RTKN2: variants seen among roughly 807,000 people sequenced by gnomAD.
The protein encoded by RTKN2 is rhotekin 2, also known as rhotekin-2.
Under a neutral mutation model 71.5 loss-of-function variants are expected in RTKN2, and 69 were observed. The observed-to-expected ratio is 0.96, with a 90% CI of 0.79 to 1.18. The LOEUF (loss-of-function observed/expected upper bound fraction) is 1.18. Among genes scored for constraint, RTKN2 ranks in the 50% most tolerant of loss-of-function variants. The probability of loss-of-function intolerance (pLI) is 0.00; values close to 1 mark genes in which losing one functional copy is unlikely to be tolerated. For synonymous variants in RTKN2, 236 were observed against 236.5 expected, an observed-to-expected ratio of 1.00 and a Z score of 0.02; for missense variants, 724 against 719.7, an observed-to-expected ratio of 1.01 and a Z score of -0.07.
intron 8 of RTKN2, among the ~76,000 whole-genome samples, chr10:62,186,060 A>G (rs962176328): frequency 1.3e-5 from 2 of 152,248 alleles, no homozygotes. Flanking sequence ...TGAACCCAGG[A>G]CAGTGTGCTT....
Position 62,196,371 on chromosome 10 carries a change from T to C in RTKN2, c.*1537A>G. ...TTCTCACCAAAAACTCTGTCTGTCC[T>C]GATGTTACCAGTCACAAGAAACCTT... On this transcript the variant is annotated 3_prime_UTR_variant, in exon 12 of 12. Transcript: ENST00000373789. 5 of 984,724 alleles carry C rather than the reference T, an allele frequency of 5.1e-6. No individual in the cohort carries two copies. The highest frequency in any genetic ancestry group is 4.8e-6 in the Non-Finnish European group (4 of 829,290). 61.0% of individuals were successfully genotyped at this position (984,724 alleles called of 1,614,324 possible).
In RTKN2 at chr10:62,194,738, AG is replaced by A. The variant is rs1332345582; in HGVS notation, c.*3169del. 6 of 985,320 alleles carry A rather than the reference AG, an allele frequency of 6.1e-6. No homozygotes were observed. The highest frequency in any genetic ancestry group is 6.2e-5 in the Admixed American group (1 of 16,256). 61.0% of individuals were successfully genotyped at this position (985,320 alleles called of 1,614,324 possible). ...GCTGAGGTGCTGAACATAAGCCTAA[AG>A]AAATACTTGACTGCTTAACCTACCT... On this transcript the variant is annotated 3_prime_UTR_variant, in exon 12 of 12. Coordinates refer to ENST00000373789, the MANE Select transcript of RTKN2 (RefSeq NM_145307.4).
chr10:62,262,901 C>G, intron 1 of RTKN2, 80 bp from the exon 2 acceptor site: 1 of 802,466 alleles, frequency 1.2e-6, no homozygotes, highest in Non-Finnish European at 1.9e-6. Flanking sequence ...AAATAGGTAT[C>G]ATAATTGTAT....
intron 2 of RTKN2, among the ~76,000 whole-genome samples, chr10:62,250,314 T>C (rs551121016): frequency 6.6e-6 from 1 of 152,288 alleles, no homozygotes; most frequent in Admixed American, 6.5e-5. Flanking sequence ...ATGAGTGAGG[T>C]GTCCTTTGGA....
intron 8 of RTKN2, among the ~76,000 whole-genome samples, chr10:62,185,561 G>C (rs754892008): frequency 2.0e-5 from 3 of 152,142 alleles, no homozygotes; most frequent in Admixed American, 6.5e-5. Context: ...GGTTGCAGTA[G>C]TGAATGGAGA....
chr10:62,223,953 G>C (rs1841964454), intron 6 of RTKN2, among the ~76,000 whole-genome samples: 1 of 108,508 alleles, frequency 9.2e-6, no homozygotes, highest in Non-Finnish European at 1.9e-5. Context: ...CAAAATGTGG[G>C]GTAGGTGTGT....
chr10:62,241,801 T>C (rs7093181), intron 3 of RTKN2, among the ~76,000 whole-genome samples: 111,264 of 151,862 alleles, frequency 0.73, 41,025 homozygotes, highest in East Asian at 0.9. Context: ...TGGGTTTAAG[T>C]GATTCTCCAG....
chr10:62,229,555 A>G (rs1271829954), intron 6 of RTKN2, among the ~76,000 whole-genome samples: 2 of 152,208 alleles, frequency 1.3e-5, no homozygotes, highest in Non-Finnish European at 2.9e-5. Flanking sequence ...TGACACTGTA[A>G]TTTATTCTTA....
intron 2 of RTKN2, among the ~76,000 whole-genome samples, chr10:62,258,824 A>C (rs766485947): frequency 2.0e-5 from 3 of 152,130 alleles, no homozygotes; most frequent in Non-Finnish European, 2.9e-5. Flanking sequence ...GGCAGCTTGG[A>C]GCAATAGTTA....
Position 62,268,597 on chromosome 10 carries a change from C to T in RTKN2, c.14G>A (p.Ser5Asn). The change falls in exon 1 of 12, where the codon AGC (serine) becomes AAC (asparagine). Residue 5 changes from serine to asparagine, a missense_variant. Ser to Asn is a conservative substitution (Grantham distance 46). Transcript: ENST00000373789. MEGP[S>N]LRGPALRLAG... ...CAGGCGGAGCGCAGGACCCCTCAGGCTCGGCCCCTCCATCTCCAACGCGAA... is the reference window on the plus strand; with the variant it reads ...CAGGCGGAGCGCAGGACCCCTCAGGTTCGGCCCCTCCATCTCCAACGCGAA... 1 of 1,564,550 alleles carries T rather than the reference C, an allele frequency of 6.4e-7. No individual in the cohort carries two copies. Among genetic ancestry groups the T allele is most frequent in the Non-Finnish European group, 8.7e-7 (1 of 1,154,372 alleles).
intron 2 of RTKN2, among the ~76,000 whole-genome samples, chr10:62,255,381 T>C (rs1842655721): frequency 6.6e-6 from 1 of 152,178 alleles, no homozygotes; most frequent in African/African-American, 2.4e-5. Flanking sequence ...TGGCTGACTC[T>C]AGGCATGGGG....
At chr10:62,243,766 CTT>C (rs1471427016) in intron 3 of RTKN2, among the ~76,000 whole-genome samples, 2 of 152,082 alleles carry the variant, frequency 1.3e-5, no homozygotes, top group African/African-American at 4.8e-5. Context: ...TAACTTTTGT[CTT>C]GTTTTATGTC....
chr10:62,252,854 C>T (rs556919003), intron 2 of RTKN2, among the ~76,000 whole-genome samples: 13 of 151,972 alleles, frequency 8.6e-5, no homozygotes, highest in African/African-American at 1.2e-4. Context: ...ATATAGTTAT[C>T]GGTATATAAA....
chr10:62,208,402 C>T (rs1345867075), intron 9 of RTKN2, among the ~76,000 whole-genome samples: 6 of 152,136 alleles, frequency 3.9e-5, no homozygotes, highest in East Asian at 1.9e-4. Context: ...GATTCTGGAA[C>T]ATCTTGTCCT....
In RTKN2 at chr10:62,195,711, G is replaced by A; in HGVS notation, c.*2197C>T. The A allele has an allele frequency of 3.0e-6, 3 of 984,504 alleles. No homozygotes were observed. Among genetic ancestry groups the A allele is most frequent in the Non-Finnish European group, 3.6e-6 (3 of 829,352 alleles). 61.0% of individuals were successfully genotyped at this position (984,504 alleles called of 1,614,324 possible). A position where few individuals can be genotyped will look rare whatever the true frequency, so the allele number is the denominator to read the frequency against. ...TTATAACTACACTCCTTAGGTAAGG[G>A]GTAAATTAGCATTTCAGGAGCTGAA... On this transcript the variant is annotated 3_prime_UTR_variant, in exon 12 of 12. Transcript: ENST00000373789.
At chr10:62,261,872 T>G (rs1211014347) in intron 2 of RTKN2, among the ~76,000 whole-genome samples, 2 of 152,164 alleles carry the variant, frequency 1.3e-5, no homozygotes, top group Non-Finnish European at 2.9e-5. Context: ...TTCCCTTGTG[T>G]CAGAGCTGTG....
chr10:62,267,034 A>G (rs7076565), intron 1 of RTKN2, among the ~76,000 whole-genome samples: 115,436 of 152,116 alleles, frequency 0.76, 43,900 homozygotes, highest in East Asian at 0.9. Context: ...TGGCAGCTTC[A>G]TTCATGTATC....
intron 6 of RTKN2, among the ~76,000 whole-genome samples, chr10:62,225,849 T>C (rs1842010400): frequency 6.6e-6 from 1 of 151,186 alleles, no homozygotes; most frequent in Non-Finnish European, 1.5e-5. Flanking sequence ...TGGCACAATC[T>C]CGACTCACTG....
chr10:62,188,840 C>T (rs1336837486), downstream of RTKN2, among the ~76,000 whole-genome samples: 4 of 151,950 alleles, frequency 2.6e-5, no homozygotes, highest in African/African-American at 7.2e-5. Flanking sequence ...CTCCGCCTCC[C>T]GGGTTCACAC....
Sources: allele counts gnomAD v4.1 joint callset (sites outside exome capture counted in the v4.1 genomes callset), GRCh38; gene constraint gnomAD v4.1.1; transcripts MANE v1.5; gene names NCBI Gene and HGNC (gene_info 2026-07-23, HGNC 2026-07-21).